GRM1: variants seen among roughly 807,000 people sequenced by gnomAD.
The protein encoded by GRM1 is glutamate metabotropic receptor 1.
GRM1 carries 33 observed loss-of-function variants against 90.9 expected under a neutral mutation model. The ratio of observed to expected loss-of-function variants is 0.36; its 90% CI spans 0.28 to 0.49. The LOEUF (loss-of-function observed/expected upper bound fraction) is 0.49. GRM1 is among the 20% of genes least tolerant of loss of function. The pLI is 0.99. For synonymous variants in GRM1, 700 were observed against 613.2 expected, an observed-to-expected ratio of 1.14 and a Z score of -2.09; for missense variants, 1,190 against 1,534.3, an observed-to-expected ratio of 0.78 and a Z score of 3.75.
intron 2 of GRM1, among the ~76,000 whole-genome samples, chr6:146,278,468 G>A (rs1259692488): frequency 6.6e-6 from 1 of 152,118 alleles, no homozygotes; most frequent in South Asian, 2.1e-4. Flanking sequence ...AGAGTAAGCT[G>A]CTTGTACATC....
chr6:146,106,650 T>C (rs1329573369), intron 1 of GRM1, among the ~76,000 whole-genome samples: 2 of 152,242 alleles, frequency 1.3e-5, no homozygotes, highest in African/African-American at 4.8e-5. Flanking sequence ...TTCAGCAGCC[T>C]GAAGGTCTTT....
intron 5 of GRM1, among the ~76,000 whole-genome samples, chr6:146,358,358 C>T (rs1785671177): frequency 6.6e-6 from 1 of 152,196 alleles, no homozygotes; most frequent in South Asian, 2.1e-4. Flanking sequence ...ATGGAGGCAA[C>T]ACTCTCTGTA....
chr6:146,188,779 C>A (rs1385366045), intron 2 of GRM1, among the ~76,000 whole-genome samples: 1 of 152,172 alleles, frequency 6.6e-6, no homozygotes, highest in African/African-American at 2.4e-5. Context: ...AATTAGACTA[C>A]CCATTTTAGT....
At chr6:146,275,978 AAG>A (rs1782345013) in intron 2 of GRM1, among the ~76,000 whole-genome samples, 1 of 152,108 alleles carries the variant, frequency 6.6e-6, no homozygotes, top group African/African-American at 2.4e-5. Context: ...GAAGAGAAGA[AAG>A]AGGAGGAGGA....
chr6:146,283,847 A>C (rs1387261834), intron 2 of GRM1, among the ~76,000 whole-genome samples: 1 of 152,218 alleles, frequency 6.6e-6, no homozygotes. Flanking sequence ...ACCACAATGC[A>C]GAAGTAAAGT....
chr6:146,156,360 C>T (rs9485047), intron 1 of GRM1, among the ~76,000 whole-genome samples: 2 of 152,042 alleles, frequency 1.3e-5, no homozygotes, highest in Admixed American at 6.6e-5. Context: ...GAGCCAAGAT[C>T]GTGCCACTGC....
rs887929485 is a variant in GRM1, at chr6:146,390,585, T to TA, written c.1729+3580dup. Among the ~76,000 whole-genome samples, 428 of 144,374 alleles carry TA rather than the reference T, an allele frequency of 3.0e-3. 1 individual carries two copies. The highest frequency in any genetic ancestry group is 7.1e-3 in the Middle Eastern group (2 of 280). 94.7% of individuals were successfully genotyped at this position (144,374 alleles called of 152,430 possible). On this transcript the variant is annotated intron_variant, in intron 6 of 7. Coordinates refer to ENST00000282753, the MANE Select transcript of GRM1 (RefSeq NM_001278064.2). ...GACAGACTACGCTACATTTTCTCAT[T>TA]AAAAAAAAAAACGGAAAATGCTTTA... is the stretch of plus-strand genomic sequence containing the variant.
chr6:146,245,577 A>G (rs1272264049), intron 2 of GRM1, among the ~76,000 whole-genome samples: 1 of 152,220 alleles, frequency 6.6e-6, no homozygotes, highest in Non-Finnish European at 1.5e-5. Context: ...TGAGATAATT[A>G]TAGCAAGATT....
At chr6:146,053,827 G>A (rs1168867091) in intron 1 of GRM1, among the ~76,000 whole-genome samples, 4 of 151,990 alleles carry the variant, frequency 2.6e-5, no homozygotes, top group South Asian at 2.1e-4. Context: ...CACTATGTAC[G>A]TGATATTATT....
chr6:146,332,663 G>T (rs1784625116), intron 3 of GRM1, among the ~76,000 whole-genome samples: 1 of 152,162 alleles, frequency 6.6e-6, no homozygotes, highest in Non-Finnish European at 1.5e-5. Flanking sequence ...AATTACATAT[G>T]TAAAGTACCT....
chr6:146,091,192 G>C (rs1776702465), intron 1 of GRM1, among the ~76,000 whole-genome samples: 1 of 152,172 alleles, frequency 6.6e-6, no homozygotes, highest in South Asian at 2.1e-4. Flanking sequence ...AAGCTGAACT[G>C]TTTGTCTGAG....
chr6:146,411,567 T>C (rs1290367854), intron 7 of GRM1, among the ~76,000 whole-genome samples: 1 of 152,126 alleles, frequency 6.6e-6, no homozygotes, highest in Non-Finnish European at 1.5e-5. Flanking sequence ...GAACTATCAC[T>C]GTACCCCCAG....
intron 2 of GRM1, among the ~76,000 whole-genome samples, chr6:146,267,692 GCTCGGCTCGGCTCGTCTCGT>G (rs1272484146): frequency 1.8e-4 from 20 of 109,770 alleles, no homozygotes; most frequent in African/African-American, 1.0e-3. Context: ...GCTCGGCTCG[GCTCGGCTCGGCTCGTCTCGT>G]CTCGTCTCGT....
intron 3 of GRM1, among the ~76,000 whole-genome samples, chr6:146,338,682 G>A (rs144314561): frequency 6.6e-6 from 1 of 152,298 alleles, no homozygotes; most frequent in African/African-American, 2.4e-5. Context: ...ATTTGTTAAA[G>A]TTCAATAAAT....
intron 2 of GRM1, among the ~76,000 whole-genome samples, chr6:146,211,244 A>G (rs1779678974): frequency 1.3e-5 from 2 of 152,008 alleles, no homozygotes. Flanking sequence ...GTTTTTATCC[A>G]CTGTCTTGGA....
chr6:146,127,837 G>GAC (rs1365884873), intron 1 of GRM1, among the ~76,000 whole-genome samples: 1 of 152,184 alleles, frequency 6.6e-6, no homozygotes, highest in Non-Finnish European at 1.5e-5. Flanking sequence ...TGGTTTAAAT[G>GAC]ATAACATGCA....
intron 2 of GRM1, among the ~76,000 whole-genome samples, chr6:146,163,374 C>G (rs902859222): frequency 2.0e-5 from 3 of 152,050 alleles, no homozygotes; most frequent in Non-Finnish European, 4.4e-5. Flanking sequence ...GATGATGTAC[C>G]TGCGTCTGAT....
chr6:146,146,103 C>CT lies in GRM1; in HGVS notation c.701-13209dup, dbSNP rs35329703. Reference sequence around the variant, plus strand: ...CTGTGCCTATGTACTACCATTGTATCTTTTTTTTTTTTTTTTTTTTTTTTT... The same window carrying CT: ...CTGTGCCTATGTACTACCATTGTATCTTTTTTTTTTTTTTTTTTTTTTTTTT... On this transcript the variant is annotated intron_variant, in intron 1 of 7. Coordinates refer to ENST00000282753, the MANE Select transcript of GRM1 (RefSeq NM_001278064.2). 2.0e-3 allele frequency among the ~76,000 whole-genome samples: 39 copies of CT among 19,948 alleles called. 16 individuals carry two copies. The highest frequency in any genetic ancestry group is 3.5e-3 in the Non-Finnish European group (33 of 9,432). The allele number at this position is 19,948 out of a possible 152,430, so 13.1% of individuals were successfully genotyped here.
intron 1 of GRM1, among the ~76,000 whole-genome samples, chr6:146,115,682 T>A (rs1362919911): frequency 6.6e-6 from 1 of 152,178 alleles, no homozygotes; most frequent in Non-Finnish European, 1.5e-5. Flanking sequence ...AGTTACAAAT[T>A]TGCTACTCCA....
Sources: allele counts gnomAD v4.1 joint callset (sites outside exome capture counted in the v4.1 genomes callset), GRCh38; gene constraint gnomAD v4.1.1; transcripts MANE v1.5; gene names NCBI Gene and HGNC (gene_info 2026-07-23, HGNC 2026-07-21).